Variants in TAF1A observed in about 807,000 individuals in gnomAD.
TAF1A encodes the protein TATA-box binding protein associated factor, RNA polymerase I subunit A.
TAF1A carries 42 observed loss-of-function variants against 61.6 expected under a neutral mutation model. That is an observed-to-expected ratio of 0.68 (90% CI 0.53 to 0.88). The LOEUF (loss-of-function observed/expected upper bound fraction) is 0.88, where lower values mean the gene tolerates loss of function less well. Among genes scored for constraint, TAF1A ranks in the 40% least tolerant of loss-of-function variants. The pLI, the probability that TAF1A is intolerant of heterozygous loss-of-function variation, is 0.00. For synonymous variants in TAF1A, 179 were observed against 177.7 expected, an observed-to-expected ratio of 1.01 and a Z score of -0.06; for missense variants, 424 against 518.7, an observed-to-expected ratio of 0.82 and a Z score of 1.77.
At chr1:222,587,209 C>T (rs1021915184) in intron 2 of TAF1A, among the ~76,000 whole-genome samples, 2 of 152,194 alleles carry the variant, frequency 1.3e-5, no homozygotes, top group African/African-American at 4.8e-5. Context: ...TATTTTTCAA[C>T]ACTCATTATG....
intron 7 of TAF1A, among the ~76,000 whole-genome samples, chr1:222,564,507 A>G (rs1477242871): frequency 1.4e-4 from 22 of 152,134 alleles, no homozygotes; most frequent in Admixed American, 1.4e-3. Context: ...CAGAAAATAT[A>G]CTTATTTACT....
intron 5 of TAF1A, among the ~76,000 whole-genome samples, chr1:222,572,609 C>T (rs1246861736): frequency 6.6e-6 from 1 of 152,190 alleles, no homozygotes; most frequent in African/African-American, 2.4e-5. Flanking sequence ...ATCTACCTGT[C>T]TTGGCCTCCC....
intron 7 of TAF1A, chr1:222,568,826 A>G (rs1208141183): frequency 6.6e-6 from 1 of 152,446 alleles, no homozygotes; most frequent in South Asian, 2.1e-4. Flanking sequence ...AGCATCATTC[A>G]CAATAGCCAA....
At chr1:222,579,727 CA>C in intron 4 of TAF1A, 31 bp downstream of exon 4, 2 of 1,584,744 alleles carry the variant, frequency 1.3e-6, no homozygotes, top group Non-Finnish European at 1.7e-6. Flanking sequence ...AAGAATACTG[CA>C]AGTGTAAATT....
chr1:222,587,709 CA>C (rs1661072772), intron 2 of TAF1A, among the ~76,000 whole-genome samples: 1 of 151,928 alleles, frequency 6.6e-6, no homozygotes, highest in South Asian at 2.1e-4. Context: ...AATTTTATCC[CA>C]TAGAAAATCA....
intron 4 of TAF1A, among the ~76,000 whole-genome samples, chr1:222,579,106 G>C (rs1244647318): frequency 1.3e-5 from 2 of 152,166 alleles, no homozygotes; most frequent in African/African-American, 2.4e-5. Context: ...TTCTTAAGTA[G>C]AACCGTAAAC....
In TAF1A at chr1:222,584,245, TAAAC is replaced by T. The variant is rs1240443419; in HGVS notation, c.170_173del (p.Cys57Ter). On this transcript the variant is annotated frameshift_variant, in exon 3 of 11. Coordinates refer to ENST00000352967, the MANE Select transcript of TAF1A (RefSeq NM_005681.4). LOFTEE classifies it high-confidence loss of function. ...TCAGCAGAGCTTCTTGGATAAAACT[TAAAC>T]AAGCACTTGTTGTCTGAGCAAAATC... 2.5e-6 allele frequency: 4 copies of T among 1,612,164 alleles called. No homozygotes were observed. The highest frequency in any genetic ancestry group is 1.7e-5 in the Admixed American group (1 of 59,814).
intron 6 of TAF1A, 130 bp downstream of exon 6, chr1:222,570,405 C>T: frequency 2.1e-6 from 2 of 932,924 alleles, no homozygotes; most frequent in Non-Finnish European, 3.0e-6. Context: ...AAAAGAGACA[C>T]CGTATTTTTG....
chr1:222,581,363 C>CT, intron 3 of TAF1A, among the ~76,000 whole-genome samples: 1 of 152,068 alleles, frequency 6.6e-6, no homozygotes, highest in Non-Finnish European at 1.5e-5. Flanking sequence ...TTCAGCTTCT[C>CT]TTTTTTATTT....
Position 222,588,581 on chromosome 1 carries a change from A to G in TAF1A, c.-2-16T>C, listed in dbSNP as rs776469258. ...TCACTCATACCTATTACAAGATGAGATATCAGTTACTTTCTGTACATCTTA... is the reference window on the plus strand; with the variant it reads ...TCACTCATACCTATTACAAGATGAGGTATCAGTTACTTTCTGTACATCTTA... On this transcript the variant is annotated splice_polypyrimidine_tract_variant and intron_variant, in intron 1 of 10. Coordinates refer to ENST00000352967, the MANE Select transcript of TAF1A (RefSeq NM_005681.4). The G allele has an allele frequency of 1.9e-6, 3 of 1,611,332 alleles. No individual in the cohort carries two copies. Among genetic ancestry groups the G allele is most frequent in the Admixed American group, 1.7e-5 (1 of 59,420 alleles).
intron 7 of TAF1A, among the ~76,000 whole-genome samples, chr1:222,564,500 A>T (rs1332694927): frequency 1.3e-5 from 2 of 152,110 alleles, no homozygotes; most frequent in Non-Finnish European, 2.9e-5. Context: ...TATCACACAG[A>T]AAATATACTT....
At chr1:222,584,409 C>A in intron 2 of TAF1A, 112 bp from the exon 3 acceptor site, 1 of 934,112 alleles carries the variant, frequency 1.1e-6, no homozygotes. Context: ...CATTACTTGA[C>A]CCAGCCCATT....
chr1:222,572,210 C>T (rs921226482), intron 5 of TAF1A, among the ~76,000 whole-genome samples: 2 of 129,452 alleles, frequency 1.5e-5, no homozygotes, highest in Admixed American at 7.9e-5. Flanking sequence ...CACAGCAAGA[C>T]TCAGTCTCAA....
chr1:222,561,374 C>G lies in TAF1A; in HGVS notation c.1230G>C (p.Leu410=), dbSNP rs773212420. 1.9e-6 allele frequency: 3 copies of G among 1,604,918 alleles called. No homozygotes were observed. The highest frequency in any genetic ancestry group is 2.5e-6 in the Non-Finnish European group (3 of 1,177,282). Reference sequence around the variant, plus strand: ...AAATAAAAACTGTACCTTTTCCTAACAGTAAACCAGCCACAAAAGCTTTCT... The same window carrying G: ...AAATAAAAACTGTACCTTTTCCTAAGAGTAAACCAGCCACAAAAGCTTTCT... The part of the protein sequence containing the change: ...ACEKAFVAGL[L]LGKGCRYFRY... Residue 410 remains leucine, a synonymous_variant, in exon 10 of 11, where the codon CTG becomes CTC. Transcript: ENST00000352967.
At chr1:222,557,774 C>T (rs138430404), downstream of TAF1A, 2 of 152,344 alleles carry the variant, frequency 1.3e-5, no homozygotes, top group African/African-American at 4.8e-5. Context: ...AGCCAGCCCA[C>T]TCTACTGCTA....
intron 5 of TAF1A, among the ~76,000 whole-genome samples, chr1:222,574,267 A>C (rs937554578): frequency 6.6e-6 from 1 of 152,162 alleles, no homozygotes; most frequent in Admixed American, 6.5e-5. Context: ...TTATATCTTA[A>C]TTCTCAATAA....
chr1:222,568,779 A>G (rs1184304228), intron 7 of TAF1A: 2 of 152,262 alleles, frequency 1.3e-5, no homozygotes, highest in Non-Finnish European at 2.9e-5. Context: ...ATGAAAATAT[A>G]TGTGTATACA....
chr1:222,579,937 ATT>A, intron 3 of TAF1A, 65 bp from the exon 4 acceptor site: 3 of 1,550,018 alleles, frequency 1.9e-6, no homozygotes, highest in Non-Finnish European at 2.6e-6. Context: ...TGTCTAAGAT[ATT>A]GTTTTCCTGA....
At position 222,589,914 on chromosome 1, in the gene TAF1A, C is replaced by G. The variant is rs1022095750; in HGVS notation, c.-190G>C. 1 of 397,018 alleles carries G rather than the reference C, an allele frequency of 2.5e-6. No individual in the cohort carries two copies. The highest frequency in any genetic ancestry group is 1.4e-4 in the South Asian group (1 of 7,066). 24.6% of individuals were successfully genotyped at this position (397,018 alleles called of 1,614,324 possible). On this transcript the variant is annotated 5_prime_UTR_variant, in exon 1 of 11. Transcript: ENST00000352967. The stretch of plus-strand genomic sequence containing the variant: ...CTGCTGCAGCAGGCGTATCGTTGGC[C>G]TCGCCTCGACCCCGGAAGTGACTTC...
Sources: allele counts gnomAD v4.1 joint callset (sites outside exome capture counted in the v4.1 genomes callset), GRCh38; gene constraint gnomAD v4.1.1; transcripts MANE v1.5; gene names NCBI Gene and HGNC (gene_info 2026-07-23, HGNC 2026-07-21).